Variants in EEFSEC observed in about 807,000 individuals in gnomAD.
EEFSEC encodes selenocysteine-specific elongation factor.
EEFSEC carries 43 observed loss-of-function variants against 42.1 expected under a neutral mutation model. The observed-to-expected ratio is 1.02, with a 90% CI of 0.80 to 1.32. The LOEUF is 1.32. Ranked by LOEUF, EEFSEC falls within the 40% of genes most tolerant of loss-of-function variation. The pLI, the probability that EEFSEC is intolerant of heterozygous loss-of-function variation, is 0.00. For synonymous variants in EEFSEC, 354 were observed against 339.1 expected (o/e 1.04, Z -0.48); for missense variants, 745 against 803.6 (o/e 0.93, Z 0.88).
intron 6 of EEFSEC, among the ~76,000 whole-genome samples, chr3:128,379,229 C>T (rs2067745247): frequency 6.6e-6 from 1 of 152,192 alleles, no homozygotes; most frequent in African/African-American, 2.4e-5. Flanking sequence ...CGGAGGAGCA[C>T]CTTTACCAAG....
At chr3:128,178,871 G>A (rs910687105) in intron 1 of EEFSEC, among the ~76,000 whole-genome samples, 7 of 152,106 alleles carry the variant, frequency 4.6e-5, no homozygotes, top group Admixed American at 1.3e-4. Context: ...TGTTGTTACT[G>A]CTATTGAACA....
At chr3:128,377,631 A>G (rs920546274) in intron 6 of EEFSEC, among the ~76,000 whole-genome samples, 2 of 152,250 alleles carry the variant, frequency 1.3e-5, no homozygotes, top group Non-Finnish European at 2.9e-5. Flanking sequence ...TGGATGTTCC[A>G]TCTCTTGTAA....
intron 3 of EEFSEC, among the ~76,000 whole-genome samples, chr3:128,263,537 G>A (rs539393552): frequency 3.3e-5 from 5 of 152,212 alleles, no homozygotes; most frequent in South Asian, 2.1e-4. Context: ...TTGTTAAAGC[G>A]AAATCCTCAA....
chr3:128,386,242 G>A (rs1483010074), intron 6 of EEFSEC, among the ~76,000 whole-genome samples: 1 of 152,150 alleles, frequency 6.6e-6, no homozygotes, highest in East Asian at 1.9e-4. Context: ...CCTTCCAAGG[G>A]TGCATGAAAT....
chr3:128,159,918 G>T (rs531559916), intron 1 of EEFSEC, among the ~76,000 whole-genome samples: 1 of 152,318 alleles, frequency 6.6e-6, no homozygotes, highest in Admixed American at 6.5e-5. Flanking sequence ...TTTACTTGTT[G>T]AGTATCTGTC....
intron 1 of EEFSEC, among the ~76,000 whole-genome samples, chr3:128,211,848 CTTTTTTTTTTTTT>C (rs34885945): frequency 9.7e-5 from 5 of 51,702 alleles, no homozygotes; most frequent in Admixed American, 3.6e-4. Flanking sequence ...TTTTTCTTTT[CTTTTTTTTTTTTT>C]TTTTTTTTTT....
At chr3:128,337,935 C>T (rs1190575483) in intron 4 of EEFSEC, among the ~76,000 whole-genome samples, 4 of 152,208 alleles carry the variant, frequency 2.6e-5, no homozygotes, top group Non-Finnish European at 5.9e-5. Flanking sequence ...GAAGCCCTTG[C>T]ACATGTGCCC....
chr3:128,154,518 C>T (rs1204874654), intron 1 of EEFSEC, among the ~76,000 whole-genome samples: 1 of 151,606 alleles, frequency 6.6e-6, no homozygotes, highest in African/African-American at 2.4e-5. Context: ...GGCACGATCT[C>T]GGCTCACTGC....
intron 4 of EEFSEC, among the ~76,000 whole-genome samples, chr3:128,298,393 C>T (rs2107998601): frequency 6.6e-6 from 1 of 152,324 alleles, no homozygotes; most frequent in East Asian, 1.9e-4. Flanking sequence ...AGCAATCCTT[C>T]TGCCTCAGCC....
chr3:128,184,723 AT>A (rs927000434), intron 1 of EEFSEC, among the ~76,000 whole-genome samples: 7 of 152,010 alleles, frequency 4.6e-5, no homozygotes, highest in African/African-American at 9.7e-5. Flanking sequence ...AATGAAGGAC[AT>A]TTTTTTTCCT....
intron 6 of EEFSEC, among the ~76,000 whole-genome samples, chr3:128,368,338 C>T (rs961272808): frequency 4.6e-5 from 7 of 151,738 alleles, no homozygotes; most frequent in African/African-American, 1.7e-4. Context: ...GAGGCTGAGG[C>T]AGGAGAATTG....
At chr3:128,205,202 C>T (rs1357376733) in intron 1 of EEFSEC, among the ~76,000 whole-genome samples, 2 of 152,218 alleles carry the variant, frequency 1.3e-5, no homozygotes, top group Non-Finnish European at 2.9e-5. Context: ...TTTGTATGCT[C>T]ACTCATCTGG....
At chr3:128,422,389 G>A in the EEFSEC span, among the ~76,000 whole-genome samples, 1 of 152,226 alleles carries the variant, frequency 6.6e-6, no homozygotes, top group African/African-American at 2.4e-5. Flanking sequence ...AGGGATGGAG[G>A]GCAGTGTTTC....
intron 6 of EEFSEC, among the ~76,000 whole-genome samples, chr3:128,394,444 T>C (rs899227765): frequency 1.3e-5 from 2 of 152,082 alleles, no homozygotes; most frequent in African/African-American, 4.8e-5. Flanking sequence ...AGACGGTTTT[T>C]TTCCCCCACC....
chr3:128,415,115 G>T, the EEFSEC span, among the ~76,000 whole-genome samples: 3 of 152,138 alleles, frequency 2.0e-5, no homozygotes, highest in Non-Finnish European at 4.4e-5. Context: ...ATACCCTTGG[G>T]GAATTTGGCT....
intron 5 of EEFSEC, among the ~76,000 whole-genome samples, chr3:128,349,361 T>C (rs1300899958): frequency 1.3e-5 from 2 of 152,194 alleles, no homozygotes; most frequent in African/African-American, 4.8e-5. Context: ...TACCCTTCTG[T>C]ATCCCAGTCT....
the EEFSEC span, among the ~76,000 whole-genome samples, chr3:128,422,815 A>G: frequency 1.3e-5 from 2 of 152,212 alleles, no homozygotes; most frequent in African/African-American, 4.8e-5. Context: ...CAGCCAGCCC[A>G]GGCTGGTCCC....
intron 1 of EEFSEC, among the ~76,000 whole-genome samples, chr3:128,206,420 G>A (rs1023747163): frequency 1.3e-5 from 2 of 152,162 alleles, no homozygotes; most frequent in South Asian, 4.1e-4. Context: ...TAGAGGAAGG[G>A]GTGTTGGGAA....
intron 5 of EEFSEC, among the ~76,000 whole-genome samples, chr3:128,343,323 A>T (rs572951010): frequency 6.6e-6 from 1 of 151,990 alleles, no homozygotes; most frequent in Admixed American, 6.5e-5. Context: ...TCCTTGTCTT[A>T]GGTTCTTCCT....
Sources: allele counts gnomAD v4.1 joint callset (sites outside exome capture counted in the v4.1 genomes callset), GRCh38; gene constraint gnomAD v4.1.1; transcripts MANE v1.5; gene names NCBI Gene and HGNC (gene_info 2026-07-23, HGNC 2026-07-21).